RAPGEF3: variants seen among roughly 807,000 people sequenced by gnomAD.
The protein encoded by RAPGEF3 is Rap guanine nucleotide exchange factor 3, also known as 9330170P05Rik.
A neutral mutation model predicts 129.8 loss-of-function variants in RAPGEF3; 103 were observed. That is an observed-to-expected ratio of 0.79 (90% CI 0.68 to 0.93). The LOEUF is 0.93. RAPGEF3 is among the 40% of genes least tolerant of loss of function. The probability of loss-of-function intolerance (pLI) is 0.00; values close to 1 mark genes in which losing one functional copy is unlikely to be tolerated. For synonymous variants in RAPGEF3, 436 were observed against 482.6 expected (o/e 0.90, Z 1.26); for missense variants, 1,117 against 1,207.4 (o/e 0.93, Z 1.11).
chr12:47,738,931 G>A (rs10875686), intron 24 of RAPGEF3, 177 bp from the exon 25 acceptor site: 187,871 of 697,084 alleles, frequency 0.27, 27,070 homozygotes, highest in South Asian at 0.32. Context: ...AAGGCAGCCC[G>A]TATTTGTCTG....
Position 47,741,504 on chromosome 12 carries a change from C to T in RAPGEF3, c.1923+1G>A. ...GCCCTGGCACCCTGCCTGGTCCCTA[C>T]CAGCTCATGCACTTCCTGTGGGTTG... On this transcript the variant is annotated splice_donor_variant, in intron 19 of 27. Transcript: ENST00000449771. LOFTEE classifies it high-confidence loss of function. 6.2e-7 allele frequency: 1 copy of T among 1,613,686 alleles called. No homozygotes were observed. The highest frequency in any genetic ancestry group is 8.5e-7 in the Non-Finnish European group (1 of 1,179,612).
chr12:47,751,999 A>G (rs1409277298), intron 2 of RAPGEF3, 30 bp from the exon 3 acceptor site: 1 of 1,612,468 alleles, frequency 6.2e-7, no homozygotes. Context: ...CGTGCACATC[A>G]GTGTGAGGTC....
Position 47,747,810 on chromosome 12 carries a change from A to C in RAPGEF3, c.1375T>G (p.Cys459Gly). The change falls in exon 14 of 28, where the codon TGC (cysteine) becomes GGC (glycine). Residue 459 changes from cysteine to glycine, a missense_variant. By Grantham distance (159) the Cys-to-Gly change is radical. Coordinates refer to ENST00000449771, the MANE Select transcript of RAPGEF3 (RefSeq NM_001098531.4). Reference sequence around the variant, plus strand: ...CGCAAGATCTGCTGCCTCTTGTTGCAGACGTAGGTGCTGCGCTCCTGCTCG... The same window carrying C: ...CGCAAGATCTGCTGCCTCTTGTTGCCGACGTAGGTGCTGCGCTCCTGCTCG... Reference protein sequence around the residue: ...GSEQERSTYVCNKRQQILRLV... With the variant: ...GSEQERSTYVGNKRQQILRLV... The C allele has an allele frequency of 6.2e-7, 1 of 1,606,958 alleles. No individual in the cohort carries two copies. Among genetic ancestry groups the C allele is most frequent in the Non-Finnish European group, 8.5e-7 (1 of 1,179,974 alleles).
chr12:47,755,744 G>A (rs1942017164), intron 2 of RAPGEF3: 1 of 152,378 alleles, frequency 6.6e-6, no homozygotes, highest in Admixed American at 6.5e-5. Context: ...TCTCTGGGAG[G>A]TTGATGGGTT....
At chr12:47,748,349 C>G in intron 12 of RAPGEF3, 105 bp downstream of exon 12, 1 of 1,152,280 alleles carries the variant, frequency 8.7e-7, no homozygotes, top group Non-Finnish European at 1.3e-6. Flanking sequence ...CTGTACAGAC[C>G]AATCCAGCAT....
chr12:47,758,183 T>G lies in RAPGEF3; in HGVS notation c.7-105A>C, dbSNP rs1037088722. ...ACTACTTCCTTAGAGTCCTCTGGAC[T>G]GGTCAGGCGGAGGTGCTGCAACCCT... On this transcript the variant is annotated intron_variant, in intron 1 of 27. Transcript: ENST00000449771. The G allele has an allele frequency of 8.2e-6, 12 of 1,459,262 alleles. No individual in the cohort carries two copies. The Admixed American group carries it at 2.8e-4, about 34-fold the overall frequency. The allele number at this position is 1,459,262 out of a possible 1,614,324, so 90.4% of individuals were successfully genotyped here.
chr12:47,742,710 C>A (rs1161450968), intron 18 of RAPGEF3, among the ~76,000 whole-genome samples: 1 of 152,158 alleles, frequency 6.6e-6, no homozygotes, highest in Non-Finnish European at 1.5e-5. Context: ...TGGGTAGATA[C>A]AATTACAGTC....
chr12:47,741,475 C>G, intron 19 of RAPGEF3, 30 bp downstream of exon 19: 1 of 1,588,894 alleles, frequency 6.3e-7, no homozygotes, highest in Non-Finnish European at 8.6e-7. Flanking sequence ...GATCTCCTCC[C>G]TGGGCCCTGG....
rs753049664 is a variant in RAPGEF3, at chr12:47,744,143, C to T, written c.1597-75G>A. On this transcript the variant is annotated intron_variant, in intron 16 of 27. Coordinates refer to ENST00000449771, the MANE Select transcript of RAPGEF3 (RefSeq NM_001098531.4). The stretch of plus-strand genomic sequence containing the variant: ...ACCGTGGAGGGAGGGATTGTGAGGT[C>T]CCTGTGTCACCAGGAGCACGGGCGC... 4.0e-4 allele frequency: 501 copies of T among 1,257,584 alleles called. 5 individuals are homozygous for T. The highest frequency in any genetic ancestry group is 4.9e-4 in the Non-Finnish European group (437 of 889,866). 77.9% of individuals were successfully genotyped at this position (1,257,584 alleles called of 1,614,324 possible). A position where few individuals can be genotyped will look rare whatever the true frequency, so the allele number is the denominator to read the frequency against.
chr12:47,738,823 G>A (rs1370252954), intron 24 of RAPGEF3, 69 bp from the exon 25 acceptor site: 1 of 1,382,180 alleles, frequency 7.2e-7, no homozygotes, highest in Non-Finnish European at 1.0e-6. Flanking sequence ...AAAAGGTGAA[G>A]GGCATAACGG....
At chr12:47,747,042 G>A (rs1941462883) in intron 15 of RAPGEF3, 143 bp from the exon 16 acceptor site, 1 of 783,462 alleles carries the variant, frequency 1.3e-6, no homozygotes, top group Non-Finnish European at 2.1e-6. Flanking sequence ...CATAAAGAGG[G>A]GAGAACACGG....
intron 2 of RAPGEF3, chr12:47,754,155 G>A (rs1424021509): frequency 1.3e-5 from 2 of 152,210 alleles, no homozygotes; most frequent in East Asian, 3.8e-4. Flanking sequence ...GGTCAATAAG[G>A]GCACCAGGAT....
At chr12:47,757,113 G>C (rs1942117669) in intron 2 of RAPGEF3, among the ~76,000 whole-genome samples, 1 of 152,202 alleles carries the variant, frequency 6.6e-6, no homozygotes, top group South Asian at 2.1e-4. Flanking sequence ...AGGCAACATA[G>C]CGAAACCTGG....
chr12:47,741,866 CTTTCTT>C, intron 18 of RAPGEF3: 3 of 512,218 alleles, frequency 5.9e-6, no homozygotes, highest in Non-Finnish European at 1.1e-5. Context: ...CTCAGCCTCA[CTTTCTT>C]CCCTGGTAAA....
chr12:47,757,020 G>A (rs959972942), intron 2 of RAPGEF3, among the ~76,000 whole-genome samples: 6 of 151,910 alleles, frequency 3.9e-5, no homozygotes, highest in South Asian at 4.2e-4. Flanking sequence ...CCGGCCAAGC[G>A]CAGTGGGTCA....
At chr12:47,748,320 G>C in intron 12 of RAPGEF3, 134 bp downstream of exon 12, 1 of 977,362 alleles carries the variant, frequency 1.0e-6, no homozygotes, top group Non-Finnish European at 1.5e-6. Context: ...GCACAGGTAA[G>C]AGGACTTATT....
Position 47,749,267 on chromosome 12 carries a change from C to CA in RAPGEF3, c.1041+122dup. Reference sequence around the variant, plus strand: ...GGGCTATGGTCCCACTGCCAGCTGTCATAGCCCAGCATCTCTTACCTGCCC... The same window carrying CA: ...GGGCTATGGTCCCACTGCCAGCTGTCAATAGCCCAGCATCTCTTACCTGCCC... On this transcript the variant is annotated intron_variant, in intron 10 of 27. Coordinates refer to ENST00000449771, the MANE Select transcript of RAPGEF3 (RefSeq NM_001098531.4). This position sits in a 1 kb window ranked among gnomAD's most constrained non-coding sequence, Gnocchi z 4.5. The CA allele has an allele frequency of 8.0e-7, 1 of 1,251,734 alleles. No homozygotes were observed. Among genetic ancestry groups the CA allele is most frequent in the Non-Finnish European group, 1.1e-6 (1 of 875,086 alleles). 77.5% of individuals were successfully genotyped at this position (1,251,734 alleles called of 1,614,324 possible).
chr12:47,753,110 G>A (rs369258397), intron 2 of RAPGEF3, among the ~76,000 whole-genome samples: 4 of 152,090 alleles, frequency 2.6e-5, no homozygotes, highest in Admixed American at 6.6e-5. Flanking sequence ...AAGCACAATC[G>A]CCCCCTTGAT....
intron 21 of RAPGEF3, 63 bp downstream of exon 21, chr12:47,740,579 G>A: frequency 6.4e-7 from 1 of 1,559,172 alleles, no homozygotes; most frequent in Non-Finnish European, 8.7e-7. Flanking sequence ...GCAAAGAGGG[G>A]GGCTTAGGAA....
Sources: allele counts gnomAD v4.1 joint callset (sites outside exome capture counted in the v4.1 genomes callset), GRCh38; gene constraint gnomAD v4.1.1; non-coding constraint Gnocchi (gnomAD v3.1); transcripts MANE v1.5; gene names NCBI Gene and HGNC (gene_info 2026-07-23, HGNC 2026-07-21).